Variants in MICAL1 observed in about 807,000 individuals in gnomAD.
MICAL1 encodes the protein [F-actin]-monooxygenase MICAL1.
A neutral mutation model predicts 131.8 loss-of-function variants in MICAL1; 95 were observed. The ratio of observed to expected loss-of-function variants is 0.72; its 90% CI spans 0.61 to 0.86. MICAL1 has a LOEUF of 0.86. Among genes scored for constraint, MICAL1 ranks in the 40% least tolerant of loss-of-function variants. The probability of loss-of-function intolerance (pLI) is 0.00; values close to 1 mark genes in which losing one functional copy is unlikely to be tolerated. For synonymous variants in MICAL1, 546 were observed against 554.2 expected, an observed-to-expected ratio of 0.99 and a Z score of 0.21; for missense variants, 1,292 against 1,380.6, an observed-to-expected ratio of 0.94 and a Z score of 1.02.
At position 109,452,227 on chromosome 6, in the gene MICAL1, C is replaced by T. The variant is rs752580725; in HGVS notation, c.832+19G>A. 19 of 1,598,980 alleles carry T rather than the reference C, an allele frequency of 1.2e-5. No homozygotes were observed. The highest frequency in any genetic ancestry group is 3.4e-5 in the Admixed American group (2 of 58,758). On this transcript the variant is annotated intron_variant, in intron 6 of 24. Coordinates refer to ENST00000358807, the MANE Select transcript of MICAL1 (RefSeq NM_022765.4). ...CAGTCAGGCAGGGGGAGGGGAAATT[C>T]AGCAAGAGGGTCCCTGACCTGTGGC...
upstream of MICAL1, among the ~76,000 whole-genome samples, chr6:109,460,229 AG>A (rs748673255): frequency 1.3e-5 from 2 of 151,804 alleles, no homozygotes; most frequent in Non-Finnish European, 2.9e-5. Flanking sequence ...CTGAGGTGGG[AG>A]GATCACTTGA....
chr6:109,448,966 G>A, intron 11 of MICAL1, 87 bp from the exon 12 acceptor site: 2 of 1,551,160 alleles, frequency 1.3e-6, no homozygotes, highest in Non-Finnish European at 1.7e-6. Flanking sequence ...TGGGGGTTCT[G>A]TAGGGGAGGA....
Position 109,455,668 on chromosome 6 carries a change from C to A in MICAL1, c.-44+51G>T. 2 of 983,758 alleles carry A rather than the reference C, an allele frequency of 2.0e-6. No individual in the cohort carries two copies. Among genetic ancestry groups the A allele is most frequent in the Non-Finnish European group, 2.4e-6 (2 of 828,466 alleles). The allele number at this position is 983,758 out of a possible 1,614,324, so 60.9% of individuals were successfully genotyped here. ...GCGTTTCCCCGGAAGCGCACCCCACCTCACCCCACCCGGCCGCGGGGCTCG... is the reference window on the plus strand; with the variant it reads ...GCGTTTCCCCGGAAGCGCACCCCACATCACCCCACCCGGCCGCGGGGCTCG... On this transcript the variant is annotated intron_variant, in intron 1 of 24. Coordinates refer to ENST00000358807, the MANE Select transcript of MICAL1 (RefSeq NM_022765.4). The surrounding 1 kb of genome is among the most constrained non-coding windows in gnomAD (Gnocchi z 4.7).
At chr6:109,455,875 G>A (rs1419463353), upstream of MICAL1, 12 of 985,542 alleles carry the variant, frequency 1.2e-5, no homozygotes, top group East Asian at 9.1e-4. The surrounding 1 kb of genome is among the most constrained non-coding windows in gnomAD (Gnocchi z 4.7). Context: ...GGAGTCGCGC[G>A]GAGTGTGGGC....
intron 11 of MICAL1, 33 bp from the exon 12 acceptor site, chr6:109,448,912 C>G: frequency 6.2e-7 from 1 of 1,609,964 alleles, no homozygotes; most frequent in Non-Finnish European, 8.5e-7. Context: ...GCCCAAGGCC[C>G]CCTCTGCCCA....
intron 12 of MICAL1, 29 bp downstream of exon 12, chr6:109,448,703 A>G (rs930600896): frequency 1.9e-6 from 3 of 1,612,836 alleles, no homozygotes; most frequent in Non-Finnish European, 2.5e-6. Flanking sequence ...TGAGATCATG[A>G]GAGAGAGGTG....
intron 1 of MICAL1, 121 bp from the exon 2 acceptor site, chr6:109,454,360 G>A (rs1235278995): frequency 5.2e-6 from 5 of 966,580 alleles, no homozygotes; most frequent in African/African-American, 3.3e-5. Context: ...GATTGGCTCT[G>A]CTCCTCCCAG....
intron 13 of MICAL1, 38 bp from the exon 14 acceptor site, chr6:109,448,001 T>A: frequency 6.4e-7 from 1 of 1,553,772 alleles, no homozygotes; most frequent in Non-Finnish European, 8.7e-7. Context: ...GGATGGGGGG[T>A]GCCAATACTG....
upstream of MICAL1, among the ~76,000 whole-genome samples, chr6:109,459,591 T>C (rs959278975): frequency 2.0e-5 from 3 of 152,202 alleles, no homozygotes; most frequent in Non-Finnish European, 2.9e-5. Context: ...CTCTGTATGC[T>C]GCTTTTTACT....
Position 109,448,833 on chromosome 6 carries a change from C to G in MICAL1, c.1563G>C (p.Gln521His). 6.2e-7 allele frequency: 1 copy of G among 1,614,022 alleles called. No individual in the cohort carries two copies. Among genetic ancestry groups the G allele is most frequent in the Non-Finnish European group, 8.5e-7 (1 of 1,180,002 alleles). Residue 521 changes from glutamine to histidine, a missense_variant, in exon 12 of 25, where the codon CAG (glutamine) becomes CAC (histidine). Transcript: ENST00000358807. ...QEELLRWCQEQTAGYPGVHVS... is the reference protein window; with the variant it reads ...QEELLRWCQEHTAGYPGVHVS... Reference sequence around the variant, plus strand: ...CGTGGACTCCCGGGTACCCAGCTGTCTGCTCCTGGCACCAGCGTAGCAGCT... The same window carrying G: ...CGTGGACTCCCGGGTACCCAGCTGTGTGCTCCTGGCACCAGCGTAGCAGCT...
Position 109,449,985 on chromosome 6 carries a change from T to A in MICAL1, c.1292A>T (p.Glu431Val). The change falls in exon 9 of 25, where the codon GAG becomes GTG. Residue 431 changes from glutamate to valine, a missense_variant. By Grantham distance (121) the Glu-to-Val change is moderately radical. Coordinates refer to ENST00000358807, the MANE Select transcript of MICAL1 (RefSeq NM_022765.4). ...KRWAEGAESL[E>V]VLAERESLYQ... Reference sequence around the variant, plus strand: ...CAGGTCTTACCGCTCAGCCAACACCTCTAGGGACTCAGCGCCCTCTGCCCA... The same window carrying A: ...CAGGTCTTACCGCTCAGCCAACACCACTAGGGACTCAGCGCCCTCTGCCCA... 1 of 1,613,824 alleles carries A rather than the reference T, an allele frequency of 6.2e-7. No individual in the cohort carries two copies. Among genetic ancestry groups the A allele is most frequent in the Non-Finnish European group, 8.5e-7 (1 of 1,179,902 alleles).
chr6:109,465,909 G>A lies in MICAL1; in HGVS notation c.-232C>T, dbSNP rs776310741. On this transcript the variant is annotated 5_prime_UTR_variant, in exon 1 of 25. Coordinates refer to the MICAL1 transcript ENST00000630715. ...GGGCACGTGGTGAGTGGGTGGTGGCGGACCAGGCTCCTGTGTCAGCTGCAG... is the reference window on the plus strand; with the variant it reads ...GGGCACGTGGTGAGTGGGTGGTGGCAGACCAGGCTCCTGTGTCAGCTGCAG... 5.6e-6 allele frequency: 9 copies of A among 1,614,182 alleles called. No homozygotes were observed. The highest frequency in any genetic ancestry group is 3.3e-5 in the South Asian group (3 of 91,088).
chr6:109,465,913 C>G (rs1192104303), exon 1 of MICAL1: 1 of 1,614,144 alleles, frequency 6.2e-7, no homozygotes, highest in East Asian at 2.2e-5. Flanking sequence ...GGTGGCGGAC[C>G]AGGCTCCTGT....
chr6:109,450,752 A>G (rs7769789), intron 7 of MICAL1, among the ~76,000 whole-genome samples, 195 bp from the exon 8 acceptor site: 127,163 of 152,184 alleles, frequency 0.84, 53,851 homozygotes, highest in East Asian at 1. Context: ...CCTTTCTTCA[A>G]CATTCACCCT....
At chr6:109,460,492 G>A (rs948459329), upstream of MICAL1, among the ~76,000 whole-genome samples, 11 of 144,408 alleles carry the variant, frequency 7.6e-5, no homozygotes, top group South Asian at 2.2e-4. Flanking sequence ...GATGTCCCAT[G>A]TTTCAAGTTA....
In MICAL1 at chr6:109,449,666, G is replaced by A. The variant is rs752261; in HGVS notation, c.1425C>T (p.Thr475=). 99,019 of 1,581,808 alleles carry A rather than the reference G, an allele frequency of 0.063. 4,061 individuals carry two copies. Among genetic ancestry groups the A allele is most frequent in the Admixed American group, 0.19 (10,670 of 57,384 alleles). The change falls in exon 10 of 25, where the codon ACC becomes ACT. Residue 475 remains threonine (T), a synonymous_variant. Transcript: ENST00000358807. ...GTGTCGGGGGTCTGACCTGATTGGG[G>A]GTCACTGCCCGGAGGTTCAGGTTGG... ...RYPNLNLRAV[T]PNQVRDLYDV...
chr6:109,460,788 T>C lies in MICAL1; in HGVS notation c.14+4876A>G, dbSNP rs368132963. Among the ~76,000 whole-genome samples, 19 of 152,222 alleles carry C rather than the reference T, an allele frequency of 1.2e-4. 2 individuals are homozygous for C. The East Asian group carries it at 3.5e-3, about 28-fold the overall frequency. Reference sequence around the variant, plus strand: ...TAGGCTTAAGTTTAGAAACTGAAAATGAAATTTTACCTTAATGCTTATTAA... The same window carrying C: ...TAGGCTTAAGTTTAGAAACTGAAAACGAAATTTTACCTTAATGCTTATTAA... On this transcript the variant is annotated intron_variant, in intron 1 of 24. Coordinates refer to the MICAL1 transcript ENST00000630715.
chr6:109,453,271 G>A lies in MICAL1; in HGVS notation c.563C>T (p.Pro188Leu). 1 of 1,613,442 alleles carries A rather than the reference G, an allele frequency of 6.2e-7. No homozygotes were observed. The highest frequency in any genetic ancestry group is 8.5e-7 in the Non-Finnish European group (1 of 1,179,496). Residue 188 changes from proline to leucine, a missense_variant, in exon 4 of 25, where the codon CCT becomes CTT. Pro to Leu is a moderately conservative substitution (Grantham distance 98). Transcript: ENST00000358807. Reference sequence around the variant, plus strand: ...AGCATAGAAATACTTACCCTTCCTAGGAGGGGGCTGGAGGCCAGTGAAAGT... The same window carrying A: ...AGCATAGAAATACTTACCCTTCCTAAGAGGGGGCTGGAGGCCAGTGAAAGT... ...GVTFTGLQPP[P>L]RKGSGWRAQL...
intron 6 of MICAL1, 155 bp downstream of exon 6, chr6:109,452,091 C>A: frequency 1.4e-6 from 2 of 1,434,112 alleles, no homozygotes; most frequent in Non-Finnish European, 9.1e-7. Flanking sequence ...CTTGCTTAAT[C>A]CCTGAGGGGA....
Sources: gnomAD v4.1 joint callset for allele counts (sites outside exome capture counted in the v4.1 genomes callset) on GRCh38, gnomAD v4.1.1 for gene constraint, Gnocchi (gnomAD v3.1) non-coding constraint, MANE v1.5 for transcripts, NCBI Gene and HGNC (gene_info 2026-07-23, HGNC 2026-07-21) for gene names.